RCAN2: variants seen among roughly 807,000 people sequenced by gnomAD.
The protein encoded by RCAN2 is regulator of calcineurin 2, also known as calcipressin-2.
In RCAN2, 9 loss-of-function variants were observed where a neutral mutation model predicts 23.6. That is an observed-to-expected ratio of 0.38 (90% CI 0.23 to 0.67). The LOEUF (loss-of-function observed/expected upper bound fraction) is 0.67, where lower values mean the gene tolerates loss of function less well. Among genes scored for constraint, RCAN2 ranks in the 30% least tolerant of loss-of-function variants. RCAN2 has a pLI of 0.51. For synonymous variants in RCAN2, 109 were observed against 115.7 expected, an observed-to-expected ratio of 0.94 and a Z score of 0.37; for missense variants, 273 against 302.3, an observed-to-expected ratio of 0.90 and a Z score of 0.72.
chr6:46,447,588 C>A (rs996545946), intron 2 of RCAN2, among the ~76,000 whole-genome samples: 4 of 151,814 alleles, frequency 2.6e-5, no homozygotes, highest in Non-Finnish European at 5.9e-5. Context: ...TAGGATAGAT[C>A]ATATTAGAGC....
In RCAN2 at chr6:46,393,092, C is replaced by T. The variant is rs562262737; in HGVS notation, c.225+63660G>A. Reference sequence around the variant, plus strand: ...AATATTGGCCTTACTTTTAAAATTTCGCAACAGACCATCAAAAACTTCATT... The same window carrying T: ...AATATTGGCCTTACTTTTAAAATTTTGCAACAGACCATCAAAAACTTCATT... On this transcript the variant is annotated intron_variant, in intron 2 of 4. Transcript: ENST00000371374. 4.6e-5 allele frequency among the ~76,000 whole-genome samples: 7 copies of T among 152,242 alleles called. No homozygotes were observed. In the South Asian group the frequency reaches 1.0e-3, roughly 23 times the overall value.
intron 2 of RCAN2, among the ~76,000 whole-genome samples, chr6:46,399,747 C>T (rs148203422): frequency 2.0e-4 from 30 of 152,142 alleles, no homozygotes; most frequent in Admixed American, 5.2e-4. Context: ...GTGTTTCCCA[C>T]TTCTCTTTCA....
chr6:46,331,575 T>C (rs1763974851), intron 2 of RCAN2, among the ~76,000 whole-genome samples: 1 of 152,216 alleles, frequency 6.6e-6, no homozygotes, highest in Non-Finnish European at 1.5e-5. Context: ...TATGACAAGA[T>C]GTTCCAGACT....
chr6:46,425,898 T>TTC (rs200528906), intron 2 of RCAN2, among the ~76,000 whole-genome samples: 7 of 140,354 alleles, frequency 5.0e-5, no homozygotes, highest in Admixed American at 4.2e-4. Flanking sequence ...CTTTCTTTCT[T>TTC]TTTTTTTTTT....
At chr6:46,325,756 A>T in intron 2 of RCAN2, 1 of 1,229,012 alleles carries the variant, frequency 8.1e-7, no homozygotes, top group South Asian at 2.3e-5. Flanking sequence ...CAAGCCTTTT[A>T]TCTCTAGGCA....
chr6:46,394,947 GA>G, intron 2 of RCAN2, among the ~76,000 whole-genome samples: 1 of 152,078 alleles, frequency 6.6e-6, no homozygotes, highest in African/African-American at 2.4e-5. Context: ...TACATTGTAA[GA>G]AAAAAACCCA....
chr6:46,251,382 T>G (rs1175669817), intron 2 of RCAN2, among the ~76,000 whole-genome samples: 1 of 152,214 alleles, frequency 6.6e-6, no homozygotes, highest in African/African-American at 2.4e-5. Flanking sequence ...TTGATTAGTT[T>G]GGGAAGTTTT....
intron 2 of RCAN2, among the ~76,000 whole-genome samples, chr6:46,311,822 C>A (rs550261592): frequency 7.2e-5 from 11 of 152,278 alleles, no homozygotes; most frequent in Middle Eastern, 3.4e-3. Flanking sequence ...TCATTTGTCA[C>A]CTGCACTAGA....
intron 4 of RCAN2, among the ~76,000 whole-genome samples, chr6:46,239,663 C>T (rs1019267838): frequency 2.0e-5 from 3 of 151,904 alleles, no homozygotes; most frequent in African/African-American, 7.3e-5. Flanking sequence ...AGAAGGGGTC[C>T]TTGGTAAGAT....
intron 2 of RCAN2, among the ~76,000 whole-genome samples, chr6:46,281,236 T>C (rs1767901310): frequency 6.6e-6 from 1 of 152,222 alleles, no homozygotes; most frequent in Non-Finnish European, 1.5e-5. Context: ...CCTGGACATA[T>C]GTCCAGTTTA....
At chr6:46,380,304 G>A (rs967556812) in intron 2 of RCAN2, among the ~76,000 whole-genome samples, 1 of 152,200 alleles carries the variant, frequency 6.6e-6, no homozygotes, top group Non-Finnish European at 1.5e-5. Flanking sequence ...TCTCACCTCA[G>A]TTCAGGTCAG....
At chr6:46,315,360 T>C (rs1179148722) in intron 2 of RCAN2, among the ~76,000 whole-genome samples, 1 of 152,094 alleles carries the variant, frequency 6.6e-6, no homozygotes, top group Non-Finnish European at 1.5e-5. Context: ...CATCTTGTGA[T>C]TGTGTTGAAA....
At chr6:46,340,691 T>A (rs996430523) in intron 2 of RCAN2, among the ~76,000 whole-genome samples, 5 of 152,224 alleles carry the variant, frequency 3.3e-5, no homozygotes, top group African/African-American at 1.2e-4. Flanking sequence ...TCTCTTCTGG[T>A]AAGCCCTCGA....
chr6:46,439,981 C>T (rs976809311), intron 2 of RCAN2, among the ~76,000 whole-genome samples: 3 of 152,280 alleles, frequency 2.0e-5, no homozygotes, highest in Middle Eastern at 3.4e-3. Context: ...GACTTCTGTT[C>T]CAAATTCTAC....
intron 2 of RCAN2, among the ~76,000 whole-genome samples, chr6:46,449,112 T>C (rs1028996041): frequency 5.9e-5 from 9 of 151,804 alleles, no homozygotes; most frequent in Non-Finnish European, 1.3e-4. Context: ...TTAGAACTAA[T>C]AAACAAATTC....
At chr6:46,332,766 C>T (rs1214610125) in intron 2 of RCAN2, among the ~76,000 whole-genome samples, 1 of 152,090 alleles carries the variant, frequency 6.6e-6, no homozygotes, top group Non-Finnish European at 1.5e-5. Flanking sequence ...CTGCAATAAA[C>T]ATATGTGTGC....
intron 2 of RCAN2, among the ~76,000 whole-genome samples, chr6:46,328,768 G>A (rs1282468392): frequency 3.3e-5 from 5 of 152,072 alleles, no homozygotes; most frequent in Non-Finnish European, 7.4e-5. Flanking sequence ...GGGCCACCAC[G>A]CCCAGCTAAT....
intron 2 of RCAN2, among the ~76,000 whole-genome samples, chr6:46,429,591 T>A (rs1252084720): frequency 6.6e-6 from 1 of 152,146 alleles, no homozygotes; most frequent in African/African-American, 2.4e-5. Flanking sequence ...ACAAGCAGAA[T>A]CTGAAGGAAT....
chr6:46,401,814 G>A (rs1766255350), intron 2 of RCAN2, among the ~76,000 whole-genome samples: 1 of 152,196 alleles, frequency 6.6e-6, no homozygotes, highest in African/African-American at 2.4e-5. Flanking sequence ...CCCCAGAGAA[G>A]TAAGACATCT....
Sources: allele counts gnomAD v4.1 joint callset (sites outside exome capture counted in the v4.1 genomes callset), GRCh38; gene constraint gnomAD v4.1.1; transcripts MANE v1.5; gene names NCBI Gene and HGNC (gene_info 2026-07-23, HGNC 2026-07-21).